Variants in HMCN2 observed in about 807,000 individuals in gnomAD.
HMCN2 encodes hemicentin-2.
A neutral mutation model predicts 377.5 loss-of-function variants in HMCN2; 325 were observed. The ratio of observed to expected loss-of-function variants is 0.86; its 90% CI spans 0.79 to 0.94. The LOEUF is 0.94. HMCN2 is among the 40% of genes least tolerant of loss of function. The probability of loss-of-function intolerance (pLI) is 0.00; values close to 1 mark genes in which losing one functional copy is unlikely to be tolerated. For synonymous variants in HMCN2, 2,007 were observed against 2,046.8 expected (o/e 0.98, Z 0.53); for missense variants, 4,543 against 4,725.3 (o/e 0.96, Z 1.13).
At chr9:130,402,553 G>A (rs886553390) in intron 77 of HMCN2, among the ~76,000 whole-genome samples, 4 of 152,198 alleles carry the variant, frequency 2.6e-5, no homozygotes, top group African/African-American at 9.7e-5. Context: ...TTGTGCACAT[G>A]GGGAAACTGA....
chr9:130,422,692 C>A lies in HMCN2; in HGVS notation c.13347C>A (p.Ile4449=). The change falls in exon 87 of 98, where the codon ATC becomes ATA. Residue 4449 remains isoleucine (I), a synonymous_variant. Coordinates refer to ENST00000683500, the MANE Select transcript of HMCN2 (RefSeq NM_001291815.2). This position sits in a 1 kb window ranked among gnomAD's most constrained non-coding sequence, Gnocchi z 4.2. ...AGGCACACTCCGGGGTCAGCAGCAT[C>A]CACAGCAGCATCCGCCATGTCCCAG... ...MQEAHSGVSS[I]HSSIRHVPAN... The A allele has an allele frequency of 7.7e-7, 1 of 1,292,018 alleles. No homozygotes were observed. Among genetic ancestry groups the A allele is most frequent in the Non-Finnish European group, 9.9e-7 (1 of 1,011,326 alleles). The allele number at this position is 1,292,018 out of a possible 1,614,324, so 80.0% of individuals were successfully genotyped here. A position where few individuals can be genotyped will look rare whatever the true frequency, so the allele number is the denominator to read the frequency against.
At chr9:130,384,229 C>A in intron 57 of HMCN2, 144 bp from the exon 58 acceptor site, 1 of 588,918 alleles carries the variant, frequency 1.7e-6, no homozygotes, top group Non-Finnish European at 2.5e-6. Flanking sequence ...AGAGTCATGG[C>A]AAATGGAGGT....
chr9:130,266,815 C>T (rs1263047839), intron 1 of HMCN2, among the ~76,000 whole-genome samples: 1 of 152,200 alleles, frequency 6.6e-6, no homozygotes, highest in Non-Finnish European at 1.5e-5. Flanking sequence ...CCCTTTAACC[C>T]CCTGCCTTGC....
At chr9:130,364,974 C>A in intron 41 of HMCN2, 85 bp downstream of exon 41, 1 of 800,348 alleles carries the variant, frequency 1.2e-6, no homozygotes, top group Non-Finnish European at 1.5e-6. Context: ...GCTCAGTGAC[C>A]TGCAAGCCCC....
intron 4 of HMCN2, among the ~76,000 whole-genome samples, chr9:130,288,589 A>G (rs1554928850): frequency 6.6e-6 from 1 of 152,184 alleles, no homozygotes; most frequent in African/African-American, 2.4e-5. Flanking sequence ...GCTCCAAACT[A>G]TGCGTGTGTC....
At chr9:130,283,731 G>T (rs1835265075) in intron 1 of HMCN2, among the ~76,000 whole-genome samples, 1 of 152,158 alleles carries the variant, frequency 6.6e-6, no homozygotes, top group Admixed American at 6.5e-5. Flanking sequence ...TGCCCCTGTT[G>T]TTGCCTATAT....
chr9:130,424,369 G>C (rs1240647965), intron 87 of HMCN2, among the ~76,000 whole-genome samples: 1 of 145,318 alleles, frequency 6.9e-6, no homozygotes, highest in Non-Finnish European at 1.5e-5. Flanking sequence ...TGTATTTTTA[G>C]TAGAGACAGG....
chr9:130,317,498 TCTCTCTC>T, intron 15 of HMCN2, among the ~76,000 whole-genome samples: 8 of 143,422 alleles, frequency 5.6e-5, no homozygotes, highest in African/African-American at 8.6e-5. Flanking sequence ...TCTCTCTCTC[TCTCTCTC>T]TTTTTTGTAG....
At chr9:130,324,443 C>T (rs1453038439) in intron 19 of HMCN2, among the ~76,000 whole-genome samples, 1 of 152,214 alleles carries the variant, frequency 6.6e-6, no homozygotes, top group African/African-American at 2.4e-5. Flanking sequence ...ATAACCCTGG[C>T]TCCCGCCACG....
At chr9:130,373,387 A>T (rs751307423) in intron 48 of HMCN2, among the ~76,000 whole-genome samples, 32 of 152,184 alleles carry the variant, frequency 2.1e-4, no homozygotes, top group Non-Finnish European at 3.8e-4. Flanking sequence ...CCTAAGGCTC[A>T]GTGGGCCATC....
In HMCN2 at chr9:130,373,659, AGGTGGGTG is replaced by A. The variant is rs200903043; in HGVS notation, c.7438+537_7438+544del. Among the ~76,000 whole-genome samples, 178 of 126,100 alleles carry A rather than the reference AGGTGGGTG, an allele frequency of 1.4e-3. 2 individuals carry two copies. Among genetic ancestry groups the A allele is most frequent in the Non-Finnish European group, 2.4e-3 (140 of 59,494 alleles). The allele number at this position is 126,100 out of a possible 152,430, so 82.7% of individuals were successfully genotyped here. ...TGGATGAATGGATAGATGGATAGGT[AGGTGGGTG>A]GATGGATGGATGGATGGATGGATAG... On this transcript the variant is annotated intron_variant, in intron 48 of 97. Transcript: ENST00000683500.
In HMCN2 at chr9:130,425,770, C is replaced by G. The variant is rs764843115; in HGVS notation, c.13725C>G (p.Pro4575=). The part of the protein sequence containing the change: ...STQRFFQGGL[P]SFLRCNHSIQ... ...AGCGCTTCTTCCAGGGCGGCCTCCC[C>G]TCGTTCCTACGCTGCAACCACAGCA... The change falls in exon 90 of 98, where the codon CCC becomes CCG. Residue 4575 remains proline (P), a synonymous_variant. Coordinates refer to ENST00000683500, the MANE Select transcript of HMCN2 (RefSeq NM_001291815.2). 1.9e-6 allele frequency: 3 copies of G among 1,550,528 alleles called. No individual in the cohort carries two copies. Among genetic ancestry groups the G allele is most frequent in the East Asian group, 2.4e-5 (1 of 40,908 alleles).
At chr9:130,348,931 G>C in intron 27 of HMCN2, 53 bp from the exon 28 acceptor site, 1 of 1,282,946 alleles carries the variant, frequency 7.8e-7, no homozygotes, top group South Asian at 1.3e-5. Flanking sequence ...ACTGATGCTG[G>C]GGGTGGTGGC....
intron 1 of HMCN2, among the ~76,000 whole-genome samples, chr9:130,266,966 G>A (rs1834139044): frequency 6.7e-6 from 1 of 150,298 alleles, no homozygotes; most frequent in African/African-American, 2.5e-5. Context: ...TTTTTTTTGA[G>A]ACAAGGTCTG....
chr9:130,324,873 C>T (rs1330585469), intron 19 of HMCN2, among the ~76,000 whole-genome samples: 1 of 152,218 alleles, frequency 6.6e-6, no homozygotes, highest in East Asian at 1.9e-4. Context: ...GATCCGCCCA[C>T]CTTGGCCTCC....
At chr9:130,376,787 C>G (rs968899857) in intron 52 of HMCN2, 129 bp downstream of exon 52, 1 of 338,890 alleles carries the variant, frequency 3.0e-6, no homozygotes, top group African/African-American at 2.2e-5. Flanking sequence ...CCCAGTCACC[C>G]TTTATTTATT....
Position 130,344,049 on chromosome 9 carries a change from G to A in HMCN2, c.3829+1613G>A, listed in dbSNP as rs1046751848. On this transcript the variant is annotated intron_variant, in intron 25 of 97. Transcript: ENST00000683500. ...GGACCCTGGGCAGCAGCTGGTGCCC[G>A]GGGATCTCCTTGTCCTCCTTGTCAC... Among the ~76,000 whole-genome samples, 5 of 152,224 alleles carry A rather than the reference G, an allele frequency of 3.3e-5. No individual in the cohort carries two copies. The East Asian group carries it at 7.8e-4, about 24-fold the overall frequency.
intron 85 of HMCN2, among the ~76,000 whole-genome samples, chr9:130,416,678 C>T (rs1041782022): frequency 4.6e-5 from 7 of 152,212 alleles, no homozygotes; most frequent in African/African-American, 1.7e-4. Context: ...CTGGGGTATT[C>T]GTCCAGGAGC....
At position 130,401,044 on chromosome 9, in the gene HMCN2, A is replaced by G. The variant is rs574193015; in HGVS notation, c.11770+97A>G. On this transcript the variant is annotated intron_variant, in intron 77 of 97. Coordinates refer to ENST00000683500, the MANE Select transcript of HMCN2 (RefSeq NM_001291815.2). ...TCACATGGCGGAATAGGATGGAACT[A>G]TCTGGCCTGGCACTGCCTCTCCTGG... 6 of 1,097,920 alleles carry G rather than the reference A, an allele frequency of 5.5e-6. No homozygotes were observed. In the South Asian group the frequency reaches 7.8e-5, roughly 14 times the overall value. 68.0% of individuals were successfully genotyped at this position (1,097,920 alleles called of 1,614,324 possible). A position where few individuals can be genotyped will look rare whatever the true frequency, so the allele number is the denominator to read the frequency against.
Sources: gnomAD v4.1 joint callset for allele counts (sites outside exome capture counted in the v4.1 genomes callset) on GRCh38, gnomAD v4.1.1 for gene constraint, Gnocchi (gnomAD v3.1) non-coding constraint, MANE v1.5 for transcripts, NCBI Gene and HGNC (gene_info 2026-07-23, HGNC 2026-07-21) for gene names.